GREB1: variants seen among roughly 807,000 people sequenced by gnomAD.
The protein encoded by GREB1 is protein GREB1.
Under a neutral mutation model 200.7 loss-of-function variants are expected in GREB1, and 106 were observed. That is an observed-to-expected ratio of 0.53 (90% CI 0.45 to 0.62). GREB1 has a LOEUF of 0.62. Ranked by LOEUF, GREB1 falls within the 20% of genes least tolerant of loss-of-function variation. The pLI is 0.00. For missense variants in GREB1, 2,243 were observed against 2,556.8 expected, an observed-to-expected ratio of 0.88 and a Z score of 2.65; for synonymous variants, 1,132 against 1,092.4, an observed-to-expected ratio of 1.04 and a Z score of -0.72.
At position 11,556,681 on chromosome 2, in the gene GREB1, G is replaced by A. The variant is rs1336924204; in HGVS notation, c.67G>A (p.Glu23Lys). ...TGAAGAGGTCTTGCACAATTCCATC[G>A]AGGCATCCCTGCGGTCCAACAACCT... ...RFEEVLHNSI[E>K]ASLRSNNLVP... Residue 23 changes from glutamate (E) to lysine (K), a missense_variant, in exon 2 of 33, where the codon GAG becomes AAG. Physicochemically the swap from Glu to Lys is moderately conservative, Grantham distance 56. Around this residue, in one of 3 missense-constraint regions of GREB1, gnomAD observed 1,178 missense variants for 1,387.4 expected, o/e 0.85. Coordinates refer to ENST00000381486, the MANE Select transcript of GREB1 (RefSeq NM_014668.4). 3.7e-6 allele frequency: 6 copies of A among 1,613,814 alleles called. No individual in the cohort carries two copies. In the African/African-American group the frequency reaches 6.7e-5, roughly 18 times the overall value.
In GREB1 at chr2:11,627,766, C is replaced by A. The variant is rs62118321; in HGVS notation, c.4449+662C>A. 2.1e-3 allele frequency among the ~76,000 whole-genome samples: 319 copies of A among 152,316 alleles called. 1 individual carries two copies. The highest frequency in any genetic ancestry group is 3.2e-3 in the Non-Finnish European group (221 of 68,016). On this transcript the variant is annotated intron_variant, in intron 25 of 32. Coordinates refer to ENST00000381486, the MANE Select transcript of GREB1 (RefSeq NM_014668.4). The stretch of plus-strand genomic sequence containing the variant: ...CCTGAAGCCACGCCTGCAAGCCACC[C>A]AAGGTGTGCTGGATGGGAGCTGTCC...
At chr2:11,632,396 C>T (rs1167651604) in intron 27 of GREB1, among the ~76,000 whole-genome samples, 4 of 136,258 alleles carry the variant, frequency 2.9e-5, no homozygotes, top group East Asian at 2.2e-4. Context: ...TGGAGTGCAA[C>T]GGCATGATCT....
chr2:11,602,616 C>G, intron 17 of GREB1, 74 bp downstream of exon 17: 1 of 1,292,144 alleles, frequency 7.7e-7, no homozygotes, highest in Non-Finnish European at 1.1e-6. Context: ...TTTAGCCAGC[C>G]AGGGAATTCC....
intron 1 of GREB1, among the ~76,000 whole-genome samples, chr2:11,555,930 G>C (rs4669750): frequency 0.041 from 6,253 of 152,170 alleles, 233 homozygotes; most frequent in East Asian, 0.17. Context: ...TGTGATTTTT[G>C]GGGGGATAGA....
At chr2:11,563,315 G>C (rs1052304444) in intron 3 of GREB1, among the ~76,000 whole-genome samples, 4 of 152,180 alleles carry the variant, frequency 2.6e-5, no homozygotes, top group African/African-American at 4.8e-5. Flanking sequence ...TGTTGAACAG[G>C]CAGATACACA....
At chr2:11,500,129 G>A (rs1198703905) in intron 1 of GREB1, among the ~76,000 whole-genome samples, 1 of 152,204 alleles carries the variant, frequency 6.6e-6, no homozygotes, top group East Asian at 1.9e-4. Flanking sequence ...TTACAGGCAT[G>A]CACCACCATG....
chr2:11,539,764 A>G (rs1674586774), intron 1 of GREB1: 1 of 149,954 alleles, frequency 6.7e-6, no homozygotes, highest in African/African-American at 2.4e-5. Context: ...GCTGGGGCAG[A>G]TGAAGCTCCA....
At chr2:11,500,034 T>G (rs1672986651) in intron 1 of GREB1, among the ~76,000 whole-genome samples, 1 of 152,202 alleles carries the variant, frequency 6.6e-6, no homozygotes, top group African/African-American at 2.4e-5. Flanking sequence ...CAGGCTGGAA[T>G]GCAGTGGTGT....
In GREB1 at chr2:11,632,883, C is replaced by T. The variant is rs1347771177; in HGVS notation, c.4817-6C>T. ...GTCCTGAGTCCAGGTGCTTTGCCCA[C>T]TGCAGGTGCTGCTCATTTCCTCATC... On this transcript the variant is annotated splice_polypyrimidine_tract_variant and splice_region_variant and intron_variant, in intron 27 of 32. Coordinates refer to ENST00000381486, the MANE Select transcript of GREB1 (RefSeq NM_014668.4). The T allele has an allele frequency of 1.1e-5, 18 of 1,612,914 alleles. No individual in the cohort carries two copies. The highest frequency in any genetic ancestry group is 1.5e-5 in the Non-Finnish European group (18 of 1,179,486).
chr2:11,483,212 CGT>C (rs995587893), intron 1 of GREB1, among the ~76,000 whole-genome samples: 99 of 151,116 alleles, frequency 6.6e-4, no homozygotes, highest in African/African-American at 2.3e-3. Flanking sequence ...TGTGGGCGCG[CGT>C]GTGTGTGGGG....
chr2:11,564,683 A>ACC (rs535850474), intron 3 of GREB1, among the ~76,000 whole-genome samples: 2 of 152,078 alleles, frequency 1.3e-5, no homozygotes, highest in Non-Finnish European at 2.9e-5. Flanking sequence ...GAGTTAGGGG[A>ACC]CCCCCTGGGG....
rs373848439 is a variant in GREB1 at position 11,595,332 on chromosome 2, C to T, written c.1778C>T (p.Thr593Met). 6.2e-6 allele frequency: 10 copies of T among 1,613,956 alleles called. No individual in the cohort carries two copies. Among genetic ancestry groups the T allele is most frequent in the East Asian group, 2.2e-5 (1 of 44,872 alleles). The change falls in exon 12 of 33, where the codon ACG becomes ATG. Residue 593 changes from threonine (T) to methionine (M), a missense_variant. By Grantham distance (81) the Thr-to-Met change is moderately conservative. Coordinates refer to ENST00000381486, the MANE Select transcript of GREB1 (RefSeq NM_014668.4). ...YQKEVNYELV[T>M]GKVDSLGAFF... ...AAGGAAGTCAATTACGAGCTGGTTA[C>T]GGGGAAGGTAGACTCGCTGGGGGCC...
In GREB1 at chr2:11,634,091, G is replaced by T. The variant is rs542450329; in HGVS notation, c.4992-40G>T. The T allele has an allele frequency of 1.3e-5, 20 of 1,580,518 alleles. No homozygotes were observed. The South Asian group carries it at 2.0e-4, about 16-fold the overall frequency. On this transcript the variant is annotated intron_variant, in intron 28 of 32. Transcript: ENST00000381486. ...GGTCCCAAGGACCTTGCTGCTGCTC[G>T]TGTGTCAGCCTAGGGACTCACTCTC...
intron 9 of GREB1, among the ~76,000 whole-genome samples, 190 bp downstream of exon 9, chr2:11,586,095 A>G (rs1394084736): frequency 1.3e-5 from 2 of 152,236 alleles, no homozygotes; most frequent in Non-Finnish European, 2.9e-5. Flanking sequence ...ATCAGATGCC[A>G]AGAATGATGG....
Position 11,634,302 on chromosome 2 carries a change from C to T in GREB1, c.5163C>T (p.Ile1721=), listed in dbSNP as rs534318560. Reference sequence around the variant, plus strand: ...CCCGCTGCCACGTGCACAACTTCATCATCCTGAACGTGGACCTGACCCAGA... The same window carrying T: ...CCCGCTGCCACGTGCACAACTTCATTATCCTGAACGTGGACCTGACCCAGA... ...PFSRCHVHNF[I]ILNVDLTQNV... Residue 1721 remains isoleucine, a synonymous_variant, in exon 29 of 33, where the codon ATC becomes ATT. Transcript: ENST00000381486. The T allele has an allele frequency of 6.2e-7, 1 of 1,614,182 alleles. No individual in the cohort carries two copies. The highest frequency in any genetic ancestry group is 2.2e-5 in the East Asian group (1 of 44,874).
chr2:11,599,184 G>A (rs1001893969), intron 15 of GREB1, among the ~76,000 whole-genome samples: 3 of 152,298 alleles, frequency 2.0e-5, no homozygotes, highest in South Asian at 2.1e-4. Context: ...GATGCCTGAT[G>A]TGTTTCTTTC....
chr2:11,613,809 G>A (rs928020356), intron 19 of GREB1, among the ~76,000 whole-genome samples: 1 of 152,192 alleles, frequency 6.6e-6, no homozygotes, highest in Non-Finnish European at 1.5e-5. Flanking sequence ...ACTCCTTGCT[G>A]CAGTAGTATT....
chr2:11,514,564 G>T (rs1363936132), intron 1 of GREB1, among the ~76,000 whole-genome samples: 1 of 152,182 alleles, frequency 6.6e-6, no homozygotes, highest in East Asian at 1.9e-4. Context: ...AAAGAGGAGG[G>T]GTGTTGATTA....
chr2:11,592,297 A>G (rs1457707259), intron 10 of GREB1, among the ~76,000 whole-genome samples: 2 of 140,458 alleles, frequency 1.4e-5, no homozygotes, highest in African/African-American at 2.7e-5. Context: ...TTTCCAACTT[A>G]TAATTGGTGA....
Sources: gnomAD v4.1 joint callset for allele counts (sites outside exome capture counted in the v4.1 genomes callset) on GRCh38, gnomAD v4.1.1 for gene constraint, gnomAD v4.1.1 regional missense constraint, MANE v1.5 for transcripts, NCBI Gene and HGNC (gene_info 2026-07-23, HGNC 2026-07-21) for gene names.